The following RNFT2 variants were observed in gnomAD, a reference collection of about 807,000 sequenced individuals.
RNFT2 encodes ring finger protein, transmembrane 2.
RNFT2 carries 36 observed loss-of-function variants against 53.0 expected under a neutral mutation model. The ratio of observed to expected loss-of-function variants is 0.68; its 90% CI spans 0.52 to 0.90. The LOEUF (loss-of-function observed/expected upper bound fraction) is 0.90. RNFT2 is among the 40% of genes least tolerant of loss of function. The pLI, the probability that RNFT2 is intolerant of heterozygous loss-of-function variation, is 0.00. For missense variants in RNFT2, 514 were observed against 585.6 expected (o/e 0.88, Z 1.26); for synonymous variants, 260 against 253.2 (o/e 1.03, Z -0.26).
intron 6 of RNFT2, among the ~76,000 whole-genome samples, chr12:116,773,433 G>A (rs1228620803): frequency 1.3e-5 from 2 of 152,210 alleles, no homozygotes; most frequent in South Asian, 2.1e-4. Flanking sequence ...AACAAGCCTC[G>A]AGAAAGGGCA....
chr12:116,845,682 A>G (rs1300859505), intron 10 of RNFT2, among the ~76,000 whole-genome samples: 3 of 152,250 alleles, frequency 2.0e-5, no homozygotes, highest in South Asian at 4.2e-4. Flanking sequence ...AATGGGTGCC[A>G]TAGTGGGAAT....
chr12:116,795,839 A>G (rs1874479284), intron 7 of RNFT2, among the ~76,000 whole-genome samples: 1 of 152,120 alleles, frequency 6.6e-6, no homozygotes, highest in Non-Finnish European at 1.5e-5. Flanking sequence ...TGGCTTCCTG[A>G]CTTATTCCCC....
chr12:116,749,011 G>A (rs1166497265), intron 3 of RNFT2, among the ~76,000 whole-genome samples: 1 of 152,132 alleles, frequency 6.6e-6, no homozygotes. Context: ...TATCTGACAC[G>A]TAGTAGGTTT....
In RNFT2 at chr12:116,743,213, T is replaced by TA. The variant is rs762013507; in HGVS notation, c.83+2150dup. Among the ~76,000 whole-genome samples the TA allele has an allele frequency of 4.8e-3, 51 of 10,672 alleles. 8 individuals are homozygous for TA. The highest frequency in any genetic ancestry group is 0.01 in the African/African-American group (32 of 3,104). 7.0% of individuals were successfully genotyped at this position (10,672 alleles called of 152,430 possible). ...TGATTAATAGATACCAGGTAGAATC[T>TA]AAAAAAAAAAAAAAAAAAAAAAAAA... On this transcript the variant is annotated intron_variant, in intron 3 of 10. Transcript: ENST00000257575.
chr12:116,843,557 T>G (rs1877461514), intron 10 of RNFT2, among the ~76,000 whole-genome samples: 1 of 146,586 alleles, frequency 6.8e-6, no homozygotes. Context: ...CAGGGCCACC[T>G]GCCTTCCCCA....
intron 5 of RNFT2, among the ~76,000 whole-genome samples, chr12:116,765,090 A>T (rs1217461805): frequency 6.6e-6 from 1 of 152,144 alleles, no homozygotes; most frequent in Non-Finnish European, 1.5e-5. Flanking sequence ...CTTCCATAAG[A>T]GCAGGTCTAC....
chr12:116,800,099 A>C (rs939303006), intron 7 of RNFT2, among the ~76,000 whole-genome samples: 1 of 152,198 alleles, frequency 6.6e-6, no homozygotes, highest in Non-Finnish European at 1.5e-5. Flanking sequence ...TGCCATGAGT[A>C]AAAGCTTCCT....
intron 5 of RNFT2, chr12:116,755,960 G>C (rs1872491056): frequency 1.2e-6 from 1 of 813,704 alleles, no homozygotes; most frequent in Admixed American, 1.9e-5. Flanking sequence ...CTGTTTTGGT[G>C]ACTATGGCCT....
intron 4 of RNFT2, among the ~76,000 whole-genome samples, chr12:116,751,558 C>G (rs1419879398): frequency 6.6e-6 from 1 of 151,970 alleles, no homozygotes; most frequent in Non-Finnish European, 1.5e-5. Context: ...CAACCGCCAC[C>G]ACACCCAGCT....
intron 5 of RNFT2, 149 bp downstream of exon 5, chr12:116,754,209 A>G (rs1003269218): frequency 6.1e-5 from 40 of 656,144 alleles, no homozygotes; most frequent in Middle Eastern, 2.5e-4. Context: ...ATCAGTGAGA[A>G]CGTACAATGT....
At chr12:116,835,757 G>T (rs767996793) in intron 8 of RNFT2, among the ~76,000 whole-genome samples, 9 of 152,326 alleles carry the variant, frequency 5.9e-5, no homozygotes, top group South Asian at 4.2e-4. Flanking sequence ...GGCCTAGGTA[G>T]CAGGGGAAAC....
At chr12:116,794,119 T>C (rs1265450870) in intron 7 of RNFT2, among the ~76,000 whole-genome samples, 1 of 151,742 alleles carries the variant, frequency 6.6e-6, no homozygotes, top group African/African-American at 2.4e-5. Flanking sequence ...TAAAAACGTA[T>C]CCAAGCATAG....
At chr12:116,776,987 G>A (rs1370373950) in intron 6 of RNFT2, among the ~76,000 whole-genome samples, 2 of 142,518 alleles carry the variant, frequency 1.4e-5, no homozygotes, top group Admixed American at 7.8e-5. Flanking sequence ...GCACGATCTC[G>A]GCTCACTGCA....
intron 7 of RNFT2, among the ~76,000 whole-genome samples, chr12:116,794,668 A>AGGGAGGGAGGGAGGGAGGGAGGG (rs1566083493): frequency 1.3e-5 from 1 of 77,288 alleles, no homozygotes; most frequent in African/African-American, 6.4e-5. Flanking sequence ...GGAAGGGAGG[A>AGGGAGGGAGGGAGGGAGGGAGGG]AGGAAGGGAG....
chr12:116,759,345 G>A (rs2137087379), intron 5 of RNFT2, among the ~76,000 whole-genome samples: 1 of 152,194 alleles, frequency 6.6e-6, no homozygotes, highest in African/African-American at 2.4e-5. Context: ...CTAACTTTCT[G>A]AATTCTTTTT....
intron 6 of RNFT2, among the ~76,000 whole-genome samples, chr12:116,773,237 C>T (rs1478944018): frequency 1.3e-5 from 2 of 152,228 alleles, no homozygotes; most frequent in Non-Finnish European, 2.9e-5. Context: ...GCTGGGATTA[C>T]AGGCGTGAGC....
At chr12:116,831,169 G>A (rs981522895) in intron 7 of RNFT2, among the ~76,000 whole-genome samples, 4 of 148,604 alleles carry the variant, frequency 2.7e-5, no homozygotes, top group African/African-American at 9.9e-5. Context: ...AGACCAGCCT[G>A]GACAACACAG....
intron 10 of RNFT2, among the ~76,000 whole-genome samples, chr12:116,842,259 C>T (rs1243017855): frequency 1.3e-5 from 2 of 152,020 alleles, no homozygotes; most frequent in Non-Finnish European, 2.9e-5. Flanking sequence ...CACCCCATCA[C>T]CTTCACTGTA....
intron 4 of RNFT2, among the ~76,000 whole-genome samples, chr12:116,751,031 C>T (rs1432691028): frequency 6.6e-6 from 1 of 150,656 alleles, no homozygotes; most frequent in East Asian, 2.0e-4. Flanking sequence ...CCTCCCACCT[C>T]AGCCTCCTGA....
Sources: gnomAD v4.1 joint callset for allele counts (sites outside exome capture counted in the v4.1 genomes callset) on GRCh38, gnomAD v4.1.1 for gene constraint, MANE v1.5 for transcripts, NCBI Gene and HGNC (gene_info 2026-07-23, HGNC 2026-07-21) for gene names.